The following MYH13 variants were observed in gnomAD, a reference collection of about 807,000 sequenced individuals.
MYH13 encodes the protein myosin-13.
Under a neutral mutation model 232.1 loss-of-function variants are expected in MYH13, and 177 were observed. The ratio of observed to expected loss-of-function variants is 0.76; its 90% CI spans 0.67 to 0.86. The LOEUF is 0.86. Among genes scored for constraint, MYH13 ranks in the 40% least tolerant of loss-of-function variants. MYH13 has a pLI of 0.00. For missense variants in MYH13, 2,246 were observed against 2,405.9 expected, an observed-to-expected ratio of 0.93 and a Z score of 1.39; for synonymous variants, 884 against 923.5, an observed-to-expected ratio of 0.96 and a Z score of 0.78.
intron 37 of MYH13, among the ~76,000 whole-genome samples, 180 bp from the exon 38 acceptor site, chr17:10,303,678 A>G (rs1272067048): frequency 6.6e-6 from 1 of 152,214 alleles, no homozygotes; most frequent in Non-Finnish European, 1.5e-5. Flanking sequence ...TGTTGGTGGG[A>G]GTGTAAATTA....
intron 16 of MYH13, among the ~76,000 whole-genome samples, chr17:10,343,486 CA>C (rs766726903): frequency 7.6e-4 from 116 of 152,326 alleles, no homozygotes; most frequent in Non-Finnish European, 1.4e-3. Context: ...AGGCCTGAGC[CA>C]CCATGCCTGG....
At position 10,364,029 on chromosome 17, in the gene MYH13, G is replaced by A. The variant is rs189421489; in HGVS notation, c.204+298C>T. 1.5e-3 allele frequency among the ~76,000 whole-genome samples: 233 copies of A among 152,244 alleles called. 1 individual carries two copies. Among genetic ancestry groups the A allele is most frequent in the African/African-American group, 5.4e-3 (223 of 41,542 alleles). The stretch of plus-strand genomic sequence containing the variant: ...CAGCCCAGAGAGGTATAATTGGTCG[G>A]CCCATCCAGTATCAGCCTCTTCCTT... On this transcript the variant is annotated intron_variant, in intron 3 of 40. Transcript: ENST00000252172.
chr17:10,325,891 G>T (rs1433110254), intron 22 of MYH13, among the ~76,000 whole-genome samples: 1 of 152,136 alleles, frequency 6.6e-6, no homozygotes, highest in Non-Finnish European at 1.5e-5. Context: ...TGGCCAGGAT[G>T]GTTTCGATCT....
At chr17:10,355,688 A>G (rs1212102179) in intron 8 of MYH13, among the ~76,000 whole-genome samples, 2 of 152,254 alleles carry the variant, frequency 1.3e-5, no homozygotes, top group Admixed American at 6.5e-5. Context: ...GGGGATGCCC[A>G]CAGGCTCCTT....
In MYH13 at chr17:10,364,438, T is replaced by C. The variant is rs8074065; in HGVS notation, c.93A>G (p.Pro31=). 1.5e-3 allele frequency: 2,435 copies of C among 1,613,424 alleles called. 5 individuals are homozygous for C. The highest frequency in any genetic ancestry group is 2.1e-3 in the Admixed American group (126 of 59,976). Residue 31 remains proline (P), a synonymous_variant, in exon 3 of 41, where the codon CCA becomes CCG. Coordinates refer to ENST00000252172, the MANE Select transcript of MYH13 (RefSeq NM_003802.3). The part of the protein sequence containing the change: ...EKERIEAQNR[P]FDSKKACFVA... ...CAAAGCAGGCTTTCTTGGAATCGAA[T>C]GGACGATTTTGAGCCTCGATTCTCT...
chr17:10,332,091 G>T lies in MYH13; in HGVS notation c.2298+8C>A. The T allele has an allele frequency of 6.2e-7, 1 of 1,613,750 alleles. No individual in the cohort carries two copies. The highest frequency in any genetic ancestry group is 8.5e-7 in the Non-Finnish European group (1 of 1,179,812). On this transcript the variant is annotated splice_region_variant and intron_variant, in intron 20 of 40. Transcript: ENST00000252172. ...TACTAGGGGAGTCCCAGCCTTGCCTGTGCTCACCTTGGTGTTGCCGAACCT... is the reference window on the plus strand; with the variant it reads ...TACTAGGGGAGTCCCAGCCTTGCCTTTGCTCACCTTGGTGTTGCCGAACCT...
At chr17:10,315,852 A>T (rs1372892348) in intron 28 of MYH13, 41 bp from the exon 29 acceptor site, 10 of 1,613,200 alleles carry the variant, frequency 6.2e-6, no homozygotes, top group African/African-American at 5.4e-5. Context: ...GTTACTGACC[A>T]CCCTCTCCCA....
intron 7 of MYH13, among the ~76,000 whole-genome samples, chr17:10,358,548 A>G (rs1487991927): frequency 6.6e-6 from 1 of 152,060 alleles, no homozygotes; most frequent in Non-Finnish European, 1.5e-5. Context: ...ACTTGAGGCC[A>G]ACGGTCTGAT....
In MYH13 at chr17:10,312,584, T is replaced by C; in HGVS notation, c.4355A>G (p.Asn1452Ser). 1 of 1,612,192 alleles carries C rather than the reference T, an allele frequency of 6.2e-7. No homozygotes were observed. Among genetic ancestry groups the C allele is most frequent in the Non-Finnish European group, 8.5e-7 (1 of 1,179,198 alleles). The change falls in exon 31 of 41, where the codon AAC (asparagine) becomes AGC (serine). Residue 1452 changes from asparagine to serine, a missense_variant. Asn to Ser is a conservative substitution (Grantham distance 46). Transcript: ENST00000252172. The part of the protein sequence containing the change: ...ACATLDKKQR[N>S]FDKVLAEWKQ... ...CGGCTGGGGAAGGACCTTGTCGAAG[T>C]TCCTCTGCTTCTTGTCCAGTGTGGC...
At chr17:10,361,294 T>C (rs1382705832) in intron 5 of MYH13, among the ~76,000 whole-genome samples, 1 of 142,424 alleles carries the variant, frequency 7.0e-6, no homozygotes, top group Non-Finnish European at 1.5e-5. Flanking sequence ...GCTAGACTCT[T>C]TTTTTTTTTT....
In MYH13 at chr17:10,319,026, T is replaced by C. The variant is rs759892824; in HGVS notation, c.3502A>G (p.Asn1168Asp). 1 of 1,614,152 alleles carries C rather than the reference T, an allele frequency of 6.2e-7. No individual in the cohort carries two copies. Among genetic ancestry groups the C allele is most frequent in the Non-Finnish European group, 8.5e-7 (1 of 1,180,034 alleles). ...TGGAACTCAGCCTCCCTCTTCTTGT[T>C]CATCTCAATCTGGGCTGAAGTGGCC... ...SGATSAQIEM[N>D]KKREAEFQKM... Residue 1168 changes from asparagine (N) to aspartate (D), a missense_variant, in exon 27 of 41, where the codon AAC becomes GAC. Asn to Asp is a conservative substitution (Grantham distance 23). Coordinates refer to ENST00000252172, the MANE Select transcript of MYH13 (RefSeq NM_003802.3).
At position 10,319,754 on chromosome 17, in the gene MYH13, A is replaced by T. The variant is rs147826598; in HGVS notation, c.3348+399T>A. 2.7e-3 allele frequency among the ~76,000 whole-genome samples: 416 copies of T among 152,312 alleles called. 6 individuals carry two copies. The highest frequency in any genetic ancestry group is 0.024 in the Admixed American group (360 of 15,292). ...GATATGCTAAGAATATGAAGAAACA[A>T]GAACCTTTTCTGCATGTGTACTATA... On this transcript the variant is annotated intron_variant, in intron 26 of 40. Coordinates refer to ENST00000252172, the MANE Select transcript of MYH13 (RefSeq NM_003802.3).
At chr17:10,370,628 C>A (rs1338038402) in intron 2 of MYH13, among the ~76,000 whole-genome samples, 1 of 152,174 alleles carries the variant, frequency 6.6e-6, no homozygotes, top group Non-Finnish European at 1.5e-5. Context: ...AACTTTCATC[C>A]CTCTCCTGGG....
At chr17:10,370,592 C>A (rs2071870421) in intron 2 of MYH13, among the ~76,000 whole-genome samples, 1 of 152,114 alleles carries the variant, frequency 6.6e-6, no homozygotes, top group Non-Finnish European at 1.5e-5. Flanking sequence ...CTCTGTTTAC[C>A]CTCTGTGTAC....
At position 10,320,422 on chromosome 17, in the gene MYH13, A is replaced by T. The variant is rs1218601507; in HGVS notation, c.3186T>A (p.Asp1062Glu). The change falls in exon 25 of 41, where the codon GAT becomes GAA. Residue 1062 changes from aspartate (D) to glutamate (E), a missense_variant. By Grantham distance (45) the Asp-to-Glu change is conservative. Coordinates refer to ENST00000252172, the MANE Select transcript of MYH13 (RefSeq NM_003802.3). ...LERAKRKLEGDLKMSQESIMD... is the reference protein window; with the variant it reads ...LERAKRKLEGELKMSQESIMD... Reference sequence around the variant, plus strand: ...TAATGGATTCCTGGGACATTTTCAGATCTCCTTCCAGCTTCCTCTTCGCCC... The same window carrying T: ...TAATGGATTCCTGGGACATTTTCAGTTCTCCTTCCAGCTTCCTCTTCGCCC... 1 of 1,613,426 alleles carries T rather than the reference A, an allele frequency of 6.2e-7. No homozygotes were observed. Among genetic ancestry groups the T allele is most frequent in the Admixed American group, 1.7e-5 (1 of 59,958 alleles).
At chr17:10,337,186 C>T (rs1009488326) in intron 18 of MYH13, among the ~76,000 whole-genome samples, 16 of 152,200 alleles carry the variant, frequency 1.1e-4, no homozygotes, top group African/African-American at 3.6e-4. Flanking sequence ...GTCGGGATTA[C>T]AGGCGTGAGC....
chr17:10,369,294 CTT>C (rs1002071488), intron 2 of MYH13, among the ~76,000 whole-genome samples: 17 of 152,178 alleles, frequency 1.1e-4, no homozygotes, highest in Non-Finnish European at 2.2e-4. Context: ...TTGTTTAACA[CTT>C]AGGAAGCGTG....
At chr17:10,302,350 A>G (rs890892435) in intron 39 of MYH13, among the ~76,000 whole-genome samples, 9 of 152,214 alleles carry the variant, frequency 5.9e-5, no homozygotes, top group Admixed American at 1.3e-4. Context: ...TTTGGTCCTC[A>G]GAACAGTAGC....
chr17:10,363,631 C>T (rs570376721), intron 3 of MYH13, among the ~76,000 whole-genome samples: 4 of 152,252 alleles, frequency 2.6e-5, no homozygotes, highest in East Asian at 3.9e-4. Flanking sequence ...GTGAGTCCCC[C>T]GTGTAGTGCT....
Sources: allele counts gnomAD v4.1 joint callset (sites outside exome capture counted in the v4.1 genomes callset), GRCh38; gene constraint gnomAD v4.1.1; transcripts MANE v1.5; gene names NCBI Gene and HGNC (gene_info 2026-07-23, HGNC 2026-07-21).